The following JPH2 variants were observed in gnomAD, a reference collection of about 807,000 sequenced individuals.
JPH2 encodes junctophilin 2, also known as junctophilin-2.
A neutral mutation model predicts 55.9 loss-of-function variants in JPH2; 38 were observed. That is an observed-to-expected ratio of 0.68 (90% confidence interval 0.52 to 0.89). The LOEUF is 0.89. Among genes scored for constraint, JPH2 ranks in the 40% least tolerant of loss-of-function variants. The pLI, the probability that JPH2 is intolerant of heterozygous loss-of-function variation, is 0.00. For synonymous variants in JPH2, 480 were observed against 472.4 expected, an observed-to-expected ratio of 1.02 and a Z score of -0.21; for missense variants, 964 against 1,037.6, an observed-to-expected ratio of 0.93 and a Z score of 0.97.
At chr20:44,119,969 A>T (rs1023222493) in intron 2 of JPH2, among the ~76,000 whole-genome samples, 2 of 151,970 alleles carry the variant, frequency 1.3e-5, no homozygotes, top group African/African-American at 4.8e-5. Flanking sequence ...TCTTGCCTCA[A>T]GAGGAAGGAA....
intron 2 of JPH2, among the ~76,000 whole-genome samples, chr20:44,145,104 T>A (rs6073350): frequency 0.13 from 19,539 of 152,022 alleles, 1,473 homozygotes; most frequent in South Asian, 0.19. Context: ...GCCACTAGCA[T>A]TCTCATTTTT....
intron 2 of JPH2, among the ~76,000 whole-genome samples, chr20:44,152,303 G>C (rs745583579): frequency 6.6e-6 from 1 of 152,232 alleles, no homozygotes; most frequent in Non-Finnish European, 1.5e-5. Context: ...AACTTAACCT[G>C]TCTGTGCCTC....
intron 2 of JPH2, among the ~76,000 whole-genome samples, chr20:44,136,706 A>G (rs1385040427): frequency 1.3e-5 from 2 of 152,168 alleles, no homozygotes; most frequent in Admixed American, 1.3e-4. Context: ...GAGTCAGACA[A>G]CCTGGTTTCA....
intron 2 of JPH2, among the ~76,000 whole-genome samples, chr20:44,129,244 G>A (rs962591618): frequency 2.6e-5 from 4 of 152,228 alleles, no homozygotes; most frequent in African/African-American, 7.2e-5. Flanking sequence ...CTAGAAGACC[G>A]GGCAAAGTAA....
At chr20:44,186,220 G>T in intron 1 of JPH2, 107 bp downstream of exon 1, 1 of 1,276,304 alleles carries the variant, frequency 7.8e-7, no homozygotes. Context: ...TCACTTCCTA[G>T]CCCATCTGAT....
chr20:44,130,243 C>G (rs1302814098), intron 2 of JPH2, among the ~76,000 whole-genome samples: 1 of 152,214 alleles, frequency 6.6e-6, no homozygotes, highest in Non-Finnish European at 1.5e-5. Context: ...CCTTTGCTGA[C>G]CCCTGCATCT....
At position 44,107,888 on chromosome 20, in the gene JPH2, T is replaced by G. The variant is rs1019019593; in HGVS notation, c.*5630A>C. Among the ~76,000 whole-genome samples the G allele has an allele frequency of 6.6e-6, 1 of 152,220 alleles. No individual in the cohort carries two copies. The highest frequency in any genetic ancestry group is 1.5e-5 in the Non-Finnish European group (1 of 68,026). On this transcript the variant is annotated 3_prime_UTR_variant, in exon 6 of 6. Coordinates refer to ENST00000372980, the MANE Select transcript of JPH2 (RefSeq NM_020433.5). ...TTCTAAACCCTTAGGATATCCTGAT[T>G]AACAGGAGTGTCTTTGTTATTCATG...
intron 2 of JPH2, among the ~76,000 whole-genome samples, chr20:44,150,448 G>C (rs1351952592): frequency 9.9e-5 from 15 of 152,182 alleles, no homozygotes; most frequent in Non-Finnish European, 1.5e-5. Context: ...ATTGTTAAAA[G>C]GACAATATTC....
intron 1 of JPH2, chr20:44,176,805 A>AG (rs1289001191): frequency 4.3e-6 from 4 of 939,136 alleles, no homozygotes; most frequent in East Asian, 2.3e-4. Context: ...AAAAAGAAAA[A>AG]GAAAAAAAAG....
chr20:44,135,455 G>A (rs950032905), intron 2 of JPH2, among the ~76,000 whole-genome samples: 8 of 151,958 alleles, frequency 5.3e-5, no homozygotes, highest in Non-Finnish European at 1.0e-4. Flanking sequence ...CCCATCTTTC[G>A]GTTCTTTATC....
intron 3 of JPH2, among the ~76,000 whole-genome samples, chr20:44,117,259 C>T (rs1338875855): frequency 6.6e-6 from 1 of 152,078 alleles, no homozygotes. Context: ...AGCCTGGTGA[C>T]AGAGCGAGAC....
chr20:44,159,621 G>A lies in JPH2; in HGVS notation c.1166C>T (p.Ser389Phe), dbSNP rs751671971. The change falls in exon 2 of 6, where the codon TCC becomes TTC. Residue 389 changes from serine to phenylalanine, a missense_variant. Transcript: ENST00000372980. This position sits in a 1 kb window ranked among gnomAD's most constrained non-coding sequence, Gnocchi z 5.7. ...IARQKAEIAA[S>F]RTSHAKAKAE... Reference sequence around the variant, plus strand: ...CCCACCCCCACCGCTGTCCTACCTGGAGGCGGCAATCTCGGCCTTCTGGCG... The same window carrying A: ...CCCACCCCCACCGCTGTCCTACCTGAAGGCGGCAATCTCGGCCTTCTGGCG... 2 of 1,601,554 alleles carry A rather than the reference G, an allele frequency of 1.2e-6. No homozygotes were observed. The highest frequency in any genetic ancestry group is 1.7e-6 in the Non-Finnish European group (2 of 1,179,376).
chr20:44,183,033 A>G (rs562252403), intron 1 of JPH2, among the ~76,000 whole-genome samples: 1 of 151,908 alleles, frequency 6.6e-6, no homozygotes, highest in South Asian at 2.1e-4. Context: ...ATACACACGC[A>G]CACATAAATA....
At chr20:44,123,942 G>A (rs1489719830) in intron 2 of JPH2, among the ~76,000 whole-genome samples, 1 of 152,110 alleles carries the variant, frequency 6.6e-6, no homozygotes, top group Non-Finnish European at 1.5e-5. Context: ...CCCTGCTGGG[G>A]AAATGCAGGA....
intron 1 of JPH2, among the ~76,000 whole-genome samples, chr20:44,162,935 CATAA>C (rs896435486): frequency 7.9e-5 from 12 of 151,282 alleles, no homozygotes; most frequent in Non-Finnish European, 1.5e-4. Flanking sequence ...TCATATACCC[CATAA>C]ATATTTAATA....
chr20:44,146,930 C>CT (rs1329198749), intron 2 of JPH2, among the ~76,000 whole-genome samples: 1 of 152,106 alleles, frequency 6.6e-6, no homozygotes, highest in Non-Finnish European at 1.5e-5. Flanking sequence ...AATGCACATT[C>CT]TTTTTGACCC....
intron 2 of JPH2, among the ~76,000 whole-genome samples, chr20:44,122,520 G>C (rs1309504772): frequency 6.6e-6 from 1 of 152,194 alleles, no homozygotes; most frequent in Non-Finnish European, 1.5e-5. Context: ...AATAAAGCCT[G>C]GATTGGACCC....
At position 44,160,553 on chromosome 20, in the gene JPH2, T is replaced by C; in HGVS notation, c.380-146A>G. On this transcript the variant is annotated intron_variant, in intron 1 of 5. Transcript: ENST00000372980. This position sits in a 1 kb window ranked among gnomAD's most constrained non-coding sequence, Gnocchi z 4.9. ...GTCTGAGGGTCAGGGTGCACAGTGC[T>C]ATGAGTGTTTGAGTCTACTCGAGTG... 1.2e-6 allele frequency: 1 copy of C among 803,692 alleles called. No homozygotes were observed. The highest frequency in any genetic ancestry group is 2.7e-5 in the East Asian group (1 of 37,262). The allele number at this position is 803,692 out of a possible 1,614,324, so 49.8% of individuals were successfully genotyped here.
chr20:44,127,956 T>C (rs981423804), intron 2 of JPH2, among the ~76,000 whole-genome samples: 3 of 152,244 alleles, frequency 2.0e-5, no homozygotes, highest in Non-Finnish European at 4.4e-5. Flanking sequence ...TGCCAGATTT[T>C]AATTGGATTT....
Sources: gnomAD v4.1 joint callset for allele counts (sites outside exome capture counted in the v4.1 genomes callset) on GRCh38, gnomAD v4.1.1 for gene constraint, Gnocchi (gnomAD v3.1) non-coding constraint, MANE v1.5 for transcripts, NCBI Gene and HGNC (gene_info 2026-07-23, HGNC 2026-07-21) for gene names.